The following ADAM10 variants were observed in gnomAD, a reference collection of about 807,000 sequenced individuals.
ADAM10 encodes the protein ADAM metallopeptidase domain 10, also known as disintegrin and metalloproteinase domain-containing protein 10.
A neutral mutation model predicts 90.1 loss-of-function variants in ADAM10; 17 were observed. The ratio of observed to expected loss-of-function variants is 0.19; its 90% CI spans 0.13 to 0.28. The LOEUF is 0.28. Among genes scored for constraint, ADAM10 ranks in the 10% least tolerant of loss-of-function variants. The pLI, the probability that ADAM10 is intolerant of heterozygous loss-of-function variation, is 1.00. For synonymous variants in ADAM10, 310 were observed against 298.6 expected (o/e 1.04, Z -0.40); for missense variants, 610 against 914.3 (o/e 0.67, Z 4.29).
chr15:58,680,770 A>G (rs758721990), intron 3 of ADAM10, among the ~76,000 whole-genome samples: 17 of 152,186 alleles, frequency 1.1e-4, no homozygotes, highest in Non-Finnish European at 2.2e-4. Flanking sequence ...TGAATTAATC[A>G]TAGACTGGAG....
chr15:58,613,191 T>C (rs1250054104), intron 11 of ADAM10, among the ~76,000 whole-genome samples: 1 of 152,212 alleles, frequency 6.6e-6, no homozygotes, highest in Non-Finnish European at 1.5e-5. Context: ...TTATTGATGA[T>C]GTTGAATACA....
chr15:58,656,028 T>G, intron 5 of ADAM10, among the ~76,000 whole-genome samples: 1 of 152,108 alleles, frequency 6.6e-6, no homozygotes, highest in East Asian at 1.9e-4. Flanking sequence ...ATTACAGGCG[T>G]GAGCTGCCAG....
chr15:58,729,368 A>G (rs1338147212), intron 1 of ADAM10, among the ~76,000 whole-genome samples: 1 of 152,230 alleles, frequency 6.6e-6, no homozygotes, highest in East Asian at 1.9e-4. Context: ...TTCTGAACAC[A>G]GAATCTTGTT....
At chr15:58,692,713 C>T (rs1008595308) in intron 2 of ADAM10, 4 of 566,840 alleles carry the variant, frequency 7.1e-6, no homozygotes, top group African/African-American at 3.8e-5. Context: ...AGTGAAGGAA[C>T]TCCCAGCAGA....
intron 11 of ADAM10, among the ~76,000 whole-genome samples, chr15:58,616,098 T>A (rs1417352354): frequency 6.6e-6 from 1 of 152,118 alleles, no homozygotes; most frequent in African/African-American, 2.4e-5. Flanking sequence ...TCTAAATCTA[T>A]ATGCACCGAA....
At chr15:58,636,406 C>T (rs1156248318) in intron 8 of ADAM10, among the ~76,000 whole-genome samples, 1 of 151,954 alleles carries the variant, frequency 6.6e-6, no homozygotes, top group East Asian at 1.9e-4. Context: ...TTTTTAAATA[C>T]TGCAACTAGT....
At chr15:58,638,503 T>C (rs905261185) in intron 8 of ADAM10, among the ~76,000 whole-genome samples, 1 of 150,534 alleles carries the variant, frequency 6.6e-6, no homozygotes, top group African/African-American at 2.4e-5. Flanking sequence ...TAGACCCAGC[T>C]ACTCGGGAGG....
chr15:58,686,883 C>G (rs1897618202), intron 2 of ADAM10, among the ~76,000 whole-genome samples: 1 of 152,094 alleles, frequency 6.6e-6, no homozygotes, highest in Non-Finnish European at 1.5e-5. Flanking sequence ...AACCTTACCA[C>G]CAAACATACC....
rs762444189 is a variant in ADAM10, at chr15:58,611,120, T to C, written c.1696-13A>G. 1 of 1,596,984 alleles carries C rather than the reference T, an allele frequency of 6.3e-7. No individual in the cohort carries two copies. The highest frequency in any genetic ancestry group is 8.6e-7 in the Non-Finnish European group (1 of 1,164,542). On this transcript the variant is annotated splice_polypyrimidine_tract_variant and intron_variant, in intron 12 of 15. Transcript: ENST00000260408. ...AACCTGCACATTGCTAGAAGAAAAA[T>C]AAAAGACAAATTGTTTAATCCCTAT...
In ADAM10 at chr15:58,644,762, C is replaced by T. The variant is rs145741039; in HGVS notation, c.736-784G>A. Among the ~76,000 whole-genome samples the T allele has an allele frequency of 3.9e-3, 600 of 152,128 alleles. 4 individuals are homozygous for T. Among genetic ancestry groups the T allele is most frequent in the African/African-American group, 0.014 (586 of 41,484 alleles). On this transcript the variant is annotated intron_variant, in intron 6 of 15. Transcript: ENST00000260408. ...TGCACATTCTGTAAACTTTGTTGAC[C>T]CCTTTCTATATTCTTGGCACTGTTT...
intron 2 of ADAM10, among the ~76,000 whole-genome samples, chr15:58,689,944 A>ACAC (rs139077352): frequency 2.7e-5 from 2 of 75,236 alleles, no homozygotes; most frequent in East Asian, 9.5e-4. Flanking sequence ...CCAAAGACAG[A>ACAC]CCCCCCCCAA....
intron 1 of ADAM10, chr15:58,732,092 A>C (rs1449342574): frequency 6.6e-6 from 1 of 152,312 alleles, no homozygotes; most frequent in East Asian, 1.9e-4. Context: ...TGAAGTTTTC[A>C]AGCACCAGGC....
At chr15:58,670,892 T>C (rs1297905539) in intron 4 of ADAM10, among the ~76,000 whole-genome samples, 8 of 152,154 alleles carry the variant, frequency 5.3e-5, no homozygotes, top group African/African-American at 1.9e-4. Context: ...ACCATTAACT[T>C]TTAGAAGAGA....
chr15:58,640,979 A>G lies in ADAM10; in HGVS notation c.829-19T>C, dbSNP rs1555413604. On this transcript the variant is annotated intron_variant, in intron 7 of 15. Transcript: ENST00000260408. ...TATTGATCTAAAATCCAAAACAATAATTTAGTAAGTAATTAATGTTAGCAG... is the reference window on the plus strand; with the variant it reads ...TATTGATCTAAAATCCAAAACAATAGTTTAGTAAGTAATTAATGTTAGCAG... 1 of 1,603,580 alleles carries G rather than the reference A, an allele frequency of 6.2e-7. No homozygotes were observed. Among genetic ancestry groups the G allele is most frequent in the Non-Finnish European group, 8.5e-7 (1 of 1,170,582 alleles).
At chr15:58,646,901 C>T (rs1227694242) in intron 5 of ADAM10, among the ~76,000 whole-genome samples, 1 of 152,180 alleles carries the variant, frequency 6.6e-6, no homozygotes, top group African/African-American at 2.4e-5. Flanking sequence ...CTCTAGCTGT[C>T]TGTGGTACAG....
chr15:58,638,106 C>A (rs1001432229), intron 8 of ADAM10, among the ~76,000 whole-genome samples: 2 of 152,114 alleles, frequency 1.3e-5, no homozygotes, highest in Non-Finnish European at 2.9e-5. Context: ...TTCTTCTGTG[C>A]CTGCCTAGCC....
chr15:58,680,467 C>T lies in ADAM10; in HGVS notation c.326-1185G>A, dbSNP rs142110906. 9.7e-3 allele frequency among the ~76,000 whole-genome samples: 1,472 copies of T among 152,274 alleles called. 23 individuals are homozygous for T. Among genetic ancestry groups the T allele is most frequent in the African/African-American group, 0.034 (1,393 of 41,552 alleles). On this transcript the variant is annotated intron_variant, in intron 3 of 15. Coordinates refer to ENST00000260408, the MANE Select transcript of ADAM10 (RefSeq NM_001110.4). ...AGAACAGTGTCAAATATTTCATGGG[C>T]ACTTTGAACAAAAGTATACCAACAG...
At chr15:58,642,647 C>T (rs1233403167) in intron 7 of ADAM10, among the ~76,000 whole-genome samples, 7 of 152,132 alleles carry the variant, frequency 4.6e-5, no homozygotes, top group African/African-American at 1.7e-4. Context: ...TACTTATATA[C>T]ATGCATTTCT....
chr15:58,636,180 G>C (rs1896244893), intron 8 of ADAM10, among the ~76,000 whole-genome samples: 1 of 152,038 alleles, frequency 6.6e-6, no homozygotes, highest in Non-Finnish European at 1.5e-5. Flanking sequence ...AGGAGGCTGA[G>C]GCAGGGGAAT....
Sources: gnomAD v4.1 joint callset for allele counts (sites outside exome capture counted in the v4.1 genomes callset) on GRCh38, gnomAD v4.1.1 for gene constraint, MANE v1.5 for transcripts, NCBI Gene and HGNC (gene_info 2026-07-23, HGNC 2026-07-21) for gene names.